Variants in GBA1 observed in about 807,000 individuals in gnomAD.
GBA1 encodes lysosomal acid glucosylceramidase.
the GBA1 span, chr1:155,235,668 G>A: frequency 1.0e-5 from 16 of 1,585,438 alleles, no homozygotes; most frequent in Admixed American, 9.1e-5. Flanking sequence ...GGGGGTGCCC[G>A]CCCTCCACTC....
chr1:155,236,260 G>A, the GBA1 span: 7 of 1,613,788 alleles, frequency 4.3e-6, no homozygotes, highest in East Asian at 1.3e-4. Flanking sequence ...TGATGCTGTG[G>A]CTGTACTGCA....
At chr1:155,237,552 T>C in the GBA1 span, 6 of 1,613,676 alleles carry the variant, frequency 3.7e-6, no homozygotes, top group South Asian at 1.1e-5. Flanking sequence ...GAACTGTAAC[T>C]TGTGCTCAGC....
the GBA1 span, chr1:155,235,701 G>A: frequency 6.2e-7 from 1 of 1,609,646 alleles, no homozygotes; most frequent in Non-Finnish European, 8.5e-7. Context: ...CAAGGTGGTA[G>A]AACATGGGCT....
At chr1:155,238,251 G>T in the GBA1 span, 2 of 1,612,288 alleles carry the variant, frequency 1.2e-6, no homozygotes, top group Non-Finnish European at 1.7e-6. Flanking sequence ...CCAGGGGCTG[G>T]CAAGGAGTGA....
chr1:155,239,583 G>A, the GBA1 span: 1 of 1,613,028 alleles, frequency 6.2e-7, no homozygotes, highest in South Asian at 1.1e-5. Flanking sequence ...AAGTTTCAAT[G>A]GCTCTATGTC....
chr1:155,236,313 A>G, the GBA1 span: 10 of 1,614,192 alleles, frequency 6.2e-6, no homozygotes, highest in East Asian at 2.2e-4. Context: ...TGCTCCCAGA[A>G]CTTGGAGCCC....
the GBA1 span, chr1:155,241,050 A>G: frequency 6.3e-7 from 1 of 1,582,806 alleles, no homozygotes; most frequent in South Asian, 1.1e-5. Flanking sequence ...TTCCAGAAGC[A>G]CTGTGACAAT....
At chr1:155,236,383 G>T in the GBA1 span, 1 of 1,614,144 alleles carries the variant, frequency 6.2e-7, no homozygotes, top group Admixed American at 1.7e-5. Context: ...TCTCCCCTAG[G>T]GTGGCTTTGG....
chr1:155,240,148 A>T, the GBA1 span: 2 of 1,421,696 alleles, frequency 1.4e-6, no homozygotes, highest in Non-Finnish European at 2.0e-6. Flanking sequence ...CTGCTAGGAG[A>T]GACTGAACAC....
chr1:155,238,748 G>A, the GBA1 span: 1 of 1,602,644 alleles, frequency 6.2e-7, no homozygotes, highest in Non-Finnish European at 8.5e-7. Flanking sequence ...CTGAGTCAGG[G>A]CCAAAGGGAA....
the GBA1 span, among the ~76,000 whole-genome samples, chr1:155,241,735 T>C: frequency 6.6e-6 from 1 of 152,040 alleles, no homozygotes; most frequent in Non-Finnish European, 1.5e-5. Flanking sequence ...TGGGGAATTA[T>C]CCAGGATGGC....
the GBA1 span, chr1:155,239,538 T>C: frequency 9.9e-5 from 150 of 1,516,868 alleles, no homozygotes; most frequent in Non-Finnish European, 1.2e-4. Flanking sequence ...AGATTCTGCC[T>C]CAAAAAAATT....
At chr1:155,236,487 C>G in the GBA1 span, 1 of 1,591,548 alleles carries the variant, frequency 6.3e-7, no homozygotes, top group Non-Finnish European at 8.6e-7. Context: ...GGAAGAGCAA[C>G]TGATCCTGGA....
At chr1:155,244,042 G>A in the GBA1 span, 4 of 152,292 alleles carry the variant, frequency 2.6e-5, no homozygotes, top group Non-Finnish European at 5.9e-5. Context: ...TGGATATAAA[G>A]ACTTGAAGAT....
the GBA1 span, chr1:155,235,913 G>C: frequency 4.4e-6 from 7 of 1,593,416 alleles, no homozygotes; most frequent in Non-Finnish European, 6.0e-6. Flanking sequence ...GTAGGTAAGG[G>C]TCACATGTGG....
chr1:155,242,070 C>T, the GBA1 span, among the ~76,000 whole-genome samples: 1 of 152,172 alleles, frequency 6.6e-6, no homozygotes, highest in East Asian at 1.9e-4. Flanking sequence ...ACAGTCATGA[C>T]CTGACTAATC....
chr1:155,237,664 A>G, the GBA1 span: 8 of 1,582,874 alleles, frequency 5.1e-6, no homozygotes, highest in Non-Finnish European at 6.9e-6. Flanking sequence ...TAATCCCAGC[A>G]CTTTGGGAAG....
chr1:155,235,885 T>A, the GBA1 span: 5 of 1,613,678 alleles, frequency 3.1e-6, no homozygotes, highest in Non-Finnish European at 4.2e-6. Context: ...GGCGCAACAC[T>A]GGGGGTCCCC....
chr1:155,237,307 G>A, the GBA1 span: 5 of 1,613,684 alleles, frequency 3.1e-6, no homozygotes, highest in Non-Finnish European at 4.2e-6. Flanking sequence ...TGGATTTGAA[G>A]GTCACTGGAG....
Sources: allele counts gnomAD v4.1 joint callset (sites outside exome capture counted in the v4.1 genomes callset), GRCh38; gene constraint gnomAD v4.1.1; transcripts MANE v1.5; gene names NCBI Gene and HGNC (gene_info 2026-07-23, HGNC 2026-07-21).